DDHD1: variants seen among roughly 807,000 people sequenced by gnomAD.
DDHD1 encodes the protein DDHD domain containing 1, also known as phospholipase DDHD1.
A neutral mutation model predicts 96.4 loss-of-function variants in DDHD1; 49 were observed. That is an observed-to-expected ratio of 0.51 (90% CI 0.40 to 0.64). The LOEUF is 0.64. Ranked by LOEUF, DDHD1 falls within the 30% of genes least tolerant of loss-of-function variation. DDHD1 has a pLI of 0.00. For synonymous variants in DDHD1, 442 were observed against 446.5 expected (o/e 0.99, Z 0.13); for missense variants, 1,106 against 1,161.2 (o/e 0.95, Z 0.69).
intron 4 of DDHD1, among the ~76,000 whole-genome samples, chr14:53,081,633 A>C (rs1246368323): frequency 6.6e-6 from 1 of 152,234 alleles, no homozygotes; most frequent in Non-Finnish European, 1.5e-5. Context: ...ATCATAACAA[A>C]AAATTATCCA....
At position 53,058,461 on chromosome 14, in the gene DDHD1, C is replaced by G. The variant is rs1883259494; in HGVS notation, c.1992+16G>C. The G allele has an allele frequency of 6.3e-7, 1 of 1,593,810 alleles. No homozygotes were observed. The highest frequency in any genetic ancestry group is 1.4e-5 in the African/African-American group (1 of 73,560). On this transcript the variant is annotated intron_variant, in intron 9 of 12. Transcript: ENST00000673822. ...ATTTGACATTGAGAAAAAAAAGAGTCTATATTGCAACTCACCACTGGATCT... is the reference window on the plus strand; with the variant it reads ...ATTTGACATTGAGAAAAAAAAGAGTGTATATTGCAACTCACCACTGGATCT...
chr14:53,049,320 G>T (rs1274465354), intron 12 of DDHD1, among the ~76,000 whole-genome samples: 1 of 152,166 alleles, frequency 6.6e-6, no homozygotes, highest in Non-Finnish European at 1.5e-5. Flanking sequence ...ACCTGTTTCA[G>T]TTTCTCGTCC....
intron 4 of DDHD1, among the ~76,000 whole-genome samples, chr14:53,074,154 C>T (rs905093112): frequency 1.3e-5 from 2 of 151,920 alleles, no homozygotes; most frequent in African/African-American, 4.8e-5. Flanking sequence ...TGTGCCATCA[C>T]CCAGCTCCAA....
intron 2 of DDHD1, chr14:53,103,259 A>C: frequency 2.3e-6 from 1 of 432,482 alleles, no homozygotes; most frequent in Non-Finnish European, 4.0e-6. Context: ...ATAGGGGATA[A>C]CTAAGAGATA....
chr14:53,102,192 A>T (rs1887352192), intron 2 of DDHD1, among the ~76,000 whole-genome samples: 1 of 152,086 alleles, frequency 6.6e-6, no homozygotes, highest in Non-Finnish European at 1.5e-5. Context: ...AATACTATGA[A>T]GTAGACTTTT....
At chr14:53,082,797 G>A (rs1449007608) in intron 4 of DDHD1, among the ~76,000 whole-genome samples, 1 of 149,346 alleles carries the variant, frequency 6.7e-6, no homozygotes, top group Non-Finnish European at 1.5e-5. Flanking sequence ...TTGCTTCATT[G>A]TCCAATGCTG....
chr14:53,080,718 T>TGC, intron 4 of DDHD1, among the ~76,000 whole-genome samples: 1 of 81,758 alleles, frequency 1.2e-5, no homozygotes, highest in South Asian at 5.0e-4. Context: ...TCCTTCCCCC[T>TGC]TTTTTTTTTT....
At chr14:53,132,305 C>T (rs991163985) in intron 1 of DDHD1, among the ~76,000 whole-genome samples, 5 of 152,110 alleles carry the variant, frequency 3.3e-5, no homozygotes, top group Admixed American at 6.6e-5. Context: ...CTGGCCCCCA[C>T]GTTATTCCTG....
chr14:53,039,762 TTGAG>T lies in DDHD1; in HGVS notation c.*7002_*7005del, dbSNP rs1881520434. 6.6e-6 allele frequency: 1 copy of T among 152,352 alleles called. No homozygotes were observed. The allele number at this position is 152,352 out of a possible 1,614,324, so 9.4% of individuals were successfully genotyped here. A position where few individuals can be genotyped will look rare whatever the true frequency, so the allele number is the denominator to read the frequency against. On this transcript the variant is annotated 3_prime_UTR_variant, in exon 13 of 13. Coordinates refer to ENST00000673822, the MANE Select transcript of DDHD1 (RefSeq NM_001160148.2). ...CAGGTTGGGCAGGCTGTGGGGAGCC[TTGAG>T]TGACAGATGGCATCATCAAAGGGCT...
intron 6 of DDHD1, among the ~76,000 whole-genome samples, chr14:53,068,787 GT>G (rs1884266534): frequency 6.6e-6 from 1 of 152,096 alleles, no homozygotes; most frequent in Admixed American, 6.6e-5. Flanking sequence ...CGAATTATCA[GT>G]TTGTGGGGAT....
intron 6 of DDHD1, among the ~76,000 whole-genome samples, chr14:53,065,609 T>G (rs1470276874): frequency 2.0e-5 from 3 of 152,178 alleles, no homozygotes; most frequent in African/African-American, 7.2e-5. Context: ...ACTTTTCCCC[T>G]AACCATGACT....
At chr14:53,113,987 T>A (rs529602404) in intron 1 of DDHD1, among the ~76,000 whole-genome samples, 14 of 152,284 alleles carry the variant, frequency 9.2e-5, no homozygotes, top group African/African-American at 3.4e-4. Flanking sequence ...ATTCTCACTG[T>A]CAGCACAGCA....
chr14:53,152,251 C>A lies in DDHD1; in HGVS notation c.838+10G>T. 1 of 1,590,144 alleles carries A rather than the reference C, an allele frequency of 6.3e-7. No individual in the cohort carries two copies. The highest frequency in any genetic ancestry group is 8.6e-7 in the Non-Finnish European group (1 of 1,166,334). On this transcript the variant is annotated intron_variant, in intron 1 of 12. Coordinates refer to ENST00000673822, the MANE Select transcript of DDHD1 (RefSeq NM_001160148.2). ...AGCCCGTCCTGCCCTAACCCCGGCC[C>A]GCTACTCACGGTTCCAGTACACCGG...
chr14:53,077,585 C>A (rs1320361437), intron 4 of DDHD1, among the ~76,000 whole-genome samples: 1 of 151,876 alleles, frequency 6.6e-6, no homozygotes, highest in Non-Finnish European at 1.5e-5. Flanking sequence ...TAGTTATTAT[C>A]CTTGCCAAGG....
At chr14:53,103,559 A>T (rs1303083382) in intron 2 of DDHD1, 124 bp downstream of exon 2, 1 of 795,336 alleles carries the variant, frequency 1.3e-6, no homozygotes, top group Non-Finnish European at 1.8e-6. Flanking sequence ...TCAAATGTTT[A>T]AAAAAATCAA....
chr14:53,103,130 G>T, intron 2 of DDHD1: 1 of 1,424,278 alleles, frequency 7.0e-7, no homozygotes, highest in South Asian at 1.2e-5. Flanking sequence ...GACACACAAT[G>T]AAAATGTGGC....
At chr14:53,149,760 T>C (rs762956552) in intron 1 of DDHD1, 1 of 152,204 alleles carries the variant, frequency 6.6e-6, no homozygotes, top group Non-Finnish European at 1.5e-5. Context: ...GGAAAGAAGG[T>C]TGGAGAAAGG....
intron 1 of DDHD1, among the ~76,000 whole-genome samples, chr14:53,149,085 C>T (rs550489186): frequency 6.6e-6 from 1 of 152,208 alleles, no homozygotes; most frequent in South Asian, 2.1e-4. Context: ...GATATTTTTT[C>T]ATATGTAATA....
intron 6 of DDHD1, among the ~76,000 whole-genome samples, chr14:53,063,596 T>C (rs1883782037): frequency 6.6e-6 from 1 of 152,094 alleles, no homozygotes; most frequent in Non-Finnish European, 1.5e-5. Flanking sequence ...TTTTGTACCT[T>C]GTAGTTTTTA....
Sources: allele counts gnomAD v4.1 joint callset (sites outside exome capture counted in the v4.1 genomes callset), GRCh38; gene constraint gnomAD v4.1.1; transcripts MANE v1.5; gene names NCBI Gene and HGNC (gene_info 2026-07-23, HGNC 2026-07-21).